Variants in OSBPL2 observed in about 807,000 individuals in gnomAD.
OSBPL2 encodes the protein oxysterol binding protein like 2, also known as oxysterol-binding protein-related protein 2.
A neutral mutation model predicts 58.4 loss-of-function variants in OSBPL2; 18 were observed. That is an observed-to-expected ratio of 0.31 (90% CI 0.21 to 0.46). The LOEUF (loss-of-function observed/expected upper bound fraction) is 0.46. Among genes scored for constraint, OSBPL2 ranks in the 20% least tolerant of loss-of-function variants. The pLI is 1.00. For missense variants in OSBPL2, 461 were observed against 616.5 expected (o/e 0.75, Z 2.67); for synonymous variants, 221 against 234.1 (o/e 0.94, Z 0.51).
At chr20:62,261,056 G>A (rs1568834494) in intron 3 of OSBPL2, among the ~76,000 whole-genome samples, 1 of 152,160 alleles carries the variant, frequency 6.6e-6, no homozygotes, top group Non-Finnish European at 1.5e-5. Flanking sequence ...AGTGGCTCAT[G>A]CCTATAATCC....
In OSBPL2 at chr20:62,294,115, A is replaced by G. The variant is rs1401544583; in HGVS notation, c.*228A>G. ...AGCTTCACTTGGGATCATCGTCTTCATTAAGGTTTCAACAGGGAAATTCTT... is the reference window on the plus strand; with the variant it reads ...AGCTTCACTTGGGATCATCGTCTTCGTTAAGGTTTCAACAGGGAAATTCTT... On this transcript the variant is annotated 3_prime_UTR_variant, in exon 14 of 14. Coordinates refer to ENST00000313733, the MANE Select transcript of OSBPL2 (RefSeq NM_144498.4). The G allele has an allele frequency of 1.6e-6, 1 of 609,810 alleles. No individual in the cohort carries two copies. Among genetic ancestry groups the G allele is most frequent in the East Asian group, 3.2e-5 (1 of 31,056 alleles). The allele number at this position is 609,810 out of a possible 1,614,324, so 37.8% of individuals were successfully genotyped here.
chr20:62,278,679 G>A lies in OSBPL2; in HGVS notation c.492-478G>A, dbSNP rs189187890. ...TTGCCAACGTTAGGCCAAGTGCAAT[G>A]TCATGTTTGTGTGTGTGTGTCTGTT... On this transcript the variant is annotated intron_variant, in intron 6 of 13. Transcript: ENST00000313733. 364 of 145,830 alleles carry A rather than the reference G, an allele frequency of 2.5e-3. 31 individuals are homozygous for A. The highest frequency in any genetic ancestry group is 0.012 in the African/African-American group (338 of 27,812). 9.0% of individuals were successfully genotyped at this position (145,830 alleles called of 1,614,324 possible). A position where few individuals can be genotyped will look rare whatever the true frequency, so the allele number is the denominator to read the frequency against.
intron 3 of OSBPL2, among the ~76,000 whole-genome samples, chr20:62,262,703 G>A (rs1981398567): frequency 1.3e-5 from 2 of 152,202 alleles, no homozygotes; most frequent in Non-Finnish European, 2.9e-5. Context: ...GGCATAGCTC[G>A]GGAGCAGAGC....
At chr20:62,264,004 G>GCA (rs1368853206) in intron 4 of OSBPL2, among the ~76,000 whole-genome samples, 1 of 149,972 alleles carries the variant, frequency 6.7e-6, no homozygotes, top group Non-Finnish European at 1.5e-5. Flanking sequence ...GGCGGAGGTT[G>GCA]CAGTGAGCCG....
intron 3 of OSBPL2, among the ~76,000 whole-genome samples, chr20:62,260,447 C>G (rs1981222175): frequency 6.6e-6 from 1 of 152,188 alleles, no homozygotes; most frequent in Non-Finnish European, 1.5e-5. Flanking sequence ...CAGGGCCTGG[C>G]AAACAGTACA....
At chr20:62,251,337 C>T (rs1047288222) in intron 1 of OSBPL2, among the ~76,000 whole-genome samples, 1 of 150,958 alleles carries the variant, frequency 6.6e-6, no homozygotes, top group African/African-American at 2.4e-5. Flanking sequence ...TACAGACAGG[C>T]GTGAGCCACC....
rs1326874609 is a variant in OSBPL2 at position 62,263,609 on chromosome 20, T to G, written c.183-7T>G. ...TCACCCACACGCACCCCTTTTGTGC[T>G]TCGCAGGACATCGCTGCCGGCTCCC... On this transcript the variant is annotated splice_polypyrimidine_tract_variant and splice_region_variant and intron_variant, in intron 3 of 13. Coordinates refer to ENST00000313733, the MANE Select transcript of OSBPL2 (RefSeq NM_144498.4). 6.2e-7 allele frequency: 1 copy of G among 1,613,820 alleles called. No individual in the cohort carries two copies. Among genetic ancestry groups the G allele is most frequent in the African/African-American group, 1.3e-5 (1 of 74,938 alleles).
chr20:62,259,957 T>C (rs1161042216), intron 2 of OSBPL2, 24 bp from the exon 3 acceptor site: 2 of 1,604,618 alleles, frequency 1.2e-6, no homozygotes, highest in Non-Finnish European at 1.7e-6. Flanking sequence ...CCAGCGAAAA[T>C]GACCATTTTC....
At chr20:62,268,098 C>T (rs4925224) in intron 4 of OSBPL2, among the ~76,000 whole-genome samples, 61,810 of 142,886 alleles carry the variant, frequency 0.43, 13,491 homozygotes, top group Middle Eastern at 0.47. Context: ...GGGGTTTCAC[C>T]TTATTGGCCA....
chr20:62,264,065 CAAAA>C (rs11476225), intron 4 of OSBPL2, among the ~76,000 whole-genome samples: 2 of 98,000 alleles, frequency 2.0e-5, no homozygotes, highest in Non-Finnish European at 4.4e-5. Context: ...GATTCCATCT[CAAAA>C]AAAAAAAAAA....
intron 4 of OSBPL2, among the ~76,000 whole-genome samples, chr20:62,265,500 G>C (rs993500000): frequency 1.3e-5 from 2 of 152,098 alleles, no homozygotes; most frequent in Non-Finnish European, 2.9e-5. Context: ...ACTTCCCCAG[G>C]GAGCCCATTC....
chr20:62,246,779 G>A (rs6061469), intron 1 of OSBPL2, among the ~76,000 whole-genome samples: 4,481 of 152,228 alleles, frequency 0.029, 203 homozygotes, highest in African/African-American at 0.1. Context: ...CCCTGGGTCC[G>A]TTCATGTCAC....
At chr20:62,273,212 CAG>C in intron 5 of OSBPL2, 95 bp from the exon 6 acceptor site, 1 of 908,288 alleles carries the variant, frequency 1.1e-6, no homozygotes, top group Non-Finnish European at 1.8e-6. Context: ...CAAATAGTGA[CAG>C]AAACCAGGTG....
intron 2 of OSBPL2, among the ~76,000 whole-genome samples, chr20:62,258,441 G>A (rs1264668664): frequency 6.6e-6 from 1 of 152,188 alleles, no homozygotes; most frequent in Non-Finnish European, 1.5e-5. Flanking sequence ...CCATTCAAAG[G>A]AAAGGTTTGG....
intron 11 of OSBPL2, among the ~76,000 whole-genome samples, chr20:62,287,039 G>A (rs1280758079): frequency 6.6e-6 from 1 of 152,260 alleles, no homozygotes. Flanking sequence ...CTTCCCCTGG[G>A]AACATCAGAC....
chr20:62,243,332 G>T (rs963076445), intron 1 of OSBPL2, among the ~76,000 whole-genome samples: 4 of 152,230 alleles, frequency 2.6e-5, no homozygotes, highest in African/African-American at 9.6e-5. Context: ...TGTGGGAAAT[G>T]CTGGAACACC....
At chr20:62,292,995 A>C (rs1391234300) in intron 13 of OSBPL2, among the ~76,000 whole-genome samples, 1 of 150,266 alleles carries the variant, frequency 6.7e-6, no homozygotes, top group Non-Finnish European at 1.5e-5. Flanking sequence ...CAGCCTCCTG[A>C]GTAGCTGGGA....
At chr20:62,271,941 G>A (rs1328531211) in intron 4 of OSBPL2, among the ~76,000 whole-genome samples, 184 bp from the exon 5 acceptor site, 1 of 152,204 alleles carries the variant, frequency 6.6e-6, no homozygotes, top group Admixed American at 6.5e-5. Context: ...CAGGTCTGAT[G>A]GCAGCTGAGG....
In OSBPL2 at chr20:62,284,058, C is replaced by A; in HGVS notation, c.885C>A (p.Leu295=). The A allele has an allele frequency of 6.2e-7, 1 of 1,613,206 alleles. No homozygotes were observed. The highest frequency in any genetic ancestry group is 2.2e-5 in the East Asian group (1 of 44,878). Residue 295 remains leucine, a synonymous_variant, in exon 10 of 14, where the codon CTC becomes CTA. Transcript: ENST00000313733. ...CATTTAATTACAGCAAAAAGAAGCT[C>A]TTTATGATCTATGGCAAATGGACGG... is the stretch of plus-strand genomic sequence containing the variant. ...GHIQDKNKKK[L]FMIYGKWTEC... is the part of the protein sequence containing the mutation.
Sources: gnomAD v4.1 joint callset for allele counts (sites outside exome capture counted in the v4.1 genomes callset) on GRCh38, gnomAD v4.1.1 for gene constraint, MANE v1.5 for transcripts, NCBI Gene and HGNC (gene_info 2026-07-23, HGNC 2026-07-21) for gene names.